Variants in PPP3CA observed in about 807,000 individuals in gnomAD.
PPP3CA encodes the protein protein phosphatase 3 catalytic subunit alpha, also known as CAM-PRP catalytic subunit.
In PPP3CA, 14 loss-of-function variants were observed where a neutral mutation model predicts 66.5. That is an observed-to-expected ratio of 0.21 (90% CI 0.14 to 0.33). The LOEUF (loss-of-function observed/expected upper bound fraction) is 0.33. Among genes scored for constraint, PPP3CA ranks in the 10% least tolerant of loss-of-function variants. The pLI, the probability that PPP3CA is intolerant of heterozygous loss-of-function variation, is 1.00. For missense variants in PPP3CA, 317 were observed against 639.5 expected (o/e 0.50, Z 5.44); for synonymous variants, 232 against 226.2 (o/e 1.03, Z -0.23).
intron 1 of PPP3CA, among the ~76,000 whole-genome samples, chr4:101,326,350 TCA>T (rs1162669355): frequency 6.6e-6 from 1 of 152,160 alleles, no homozygotes; most frequent in Non-Finnish European, 1.5e-5. Context: ...TTCACAGACT[TCA>T]GAACAGATTT....
chr4:101,258,189 G>A lies in PPP3CA; in HGVS notation c.59-62073C>T, dbSNP rs1726905312. ...ACAAAATTATCATAAACTTATTGAT[G>A]GTCAAAACTATAGAATACAGAAGTT... is the stretch of plus-strand genomic sequence containing the variant. On this transcript the variant is annotated intron_variant, in intron 1 of 13. Transcript: ENST00000394854. Among the ~76,000 whole-genome samples, 6 of 151,952 alleles carry A rather than the reference G, an allele frequency of 3.9e-5. No individual in the cohort carries two copies. The South Asian group carries it at 1.2e-3, about 32-fold the overall frequency.
At position 101,185,985 on chromosome 4, in the gene PPP3CA, C is replaced by T. The variant is rs1724397586; in HGVS notation, c.259+9931G>A. The stretch of plus-strand genomic sequence containing the variant: ...TAAAACAGAAGCTGAAATATTAGCT[C>T]CTATCTAAAAATGGTTTAAGTTTCT... On this transcript the variant is annotated intron_variant, in intron 2 of 13. Transcript: ENST00000394854. Among the ~76,000 whole-genome samples the T allele has an allele frequency of 2.0e-5, 3 of 152,082 alleles. No individual in the cohort carries two copies. The South Asian group carries it at 6.2e-4, about 32-fold the overall frequency.
chr4:101,180,729 G>A (rs1266521063), intron 2 of PPP3CA, among the ~76,000 whole-genome samples: 1 of 151,982 alleles, frequency 6.6e-6, no homozygotes, highest in Non-Finnish European at 1.5e-5. Flanking sequence ...TCATGATGAT[G>A]TTAGGGTAAT....
intron 1 of PPP3CA, among the ~76,000 whole-genome samples, chr4:101,295,016 C>G (rs1728153905): frequency 6.6e-6 from 1 of 152,118 alleles, no homozygotes; most frequent in African/African-American, 2.4e-5. Context: ...AGTATATTCA[C>G]TCGGGCCGGG....
At chr4:101,163,563 A>T (rs1385462118) in intron 2 of PPP3CA, among the ~76,000 whole-genome samples, 2 of 152,136 alleles carry the variant, frequency 1.3e-5, no homozygotes, top group African/African-American at 4.8e-5. Context: ...CCTTTCTTCC[A>T]GGCTTAAATA....
intron 1 of PPP3CA, among the ~76,000 whole-genome samples, chr4:101,312,830 A>G (rs1247460683): frequency 6.6e-6 from 1 of 152,218 alleles, no homozygotes. Context: ...TCTCCTAAGC[A>G]CTGCACCAGA....
chr4:101,146,622 T>C (rs927639802), intron 2 of PPP3CA, among the ~76,000 whole-genome samples: 1 of 151,914 alleles, frequency 6.6e-6, no homozygotes, highest in African/African-American at 2.4e-5. Context: ...TTTGTACTTT[T>C]AGTAGAGATG....
intron 11 of PPP3CA, among the ~76,000 whole-genome samples, chr4:101,034,679 T>C (rs1727162761): frequency 1.3e-5 from 2 of 152,252 alleles, no homozygotes; most frequent in African/African-American, 4.8e-5. Flanking sequence ...ATCCATATTT[T>C]AGATTTCTGT....
At position 101,025,845 on chromosome 4, in the gene PPP3CA, A is replaced by ATTT; in HGVS notation, c.*19_*20insAAA. Reference sequence around the variant, plus strand: ...CAAAAAAAAAAAAAAAAAAAAAAAAAAAAAGTGAACAGGAAGTGGTCACTG... The same window carrying ATTT: ...CAAAAAAAAAAAAAAAAAAAAAAAAATTTAAAAGTGAACAGGAAGTGGTCACTG... On this transcript the variant is annotated 3_prime_UTR_variant, in exon 14 of 14. Transcript: ENST00000394854. 1 of 1,428,950 alleles carries ATTT rather than the reference A, an allele frequency of 7.0e-7. No homozygotes were observed. Among genetic ancestry groups the ATTT allele is most frequent in the Non-Finnish European group, 9.3e-7 (1 of 1,076,192 alleles). 88.5% of individuals were successfully genotyped at this position (1,428,950 alleles called of 1,614,324 possible).
chr4:101,069,001 T>C (rs1024884204), intron 8 of PPP3CA, among the ~76,000 whole-genome samples: 1 of 152,172 alleles, frequency 6.6e-6, no homozygotes, highest in African/African-American at 2.4e-5. Context: ...ATAGGGTCTT[T>C]CACAGGCAAA....
chr4:101,289,968 T>C (rs938624313), intron 1 of PPP3CA, among the ~76,000 whole-genome samples: 2 of 151,524 alleles, frequency 1.3e-5, no homozygotes, highest in Non-Finnish European at 2.9e-5. Flanking sequence ...ATCATGCTGC[T>C]AGAATGGTGC....
intron 1 of PPP3CA, among the ~76,000 whole-genome samples, chr4:101,301,820 T>TTATATA (rs148313258): frequency 4.8e-5 from 7 of 146,738 alleles, no homozygotes; most frequent in Non-Finnish European, 6.0e-5. Flanking sequence ...GCACCATATT[T>TTATATA]TATATATATA....
chr4:101,093,371 C>T (rs1357153688), intron 6 of PPP3CA, among the ~76,000 whole-genome samples: 1 of 151,064 alleles, frequency 6.6e-6, no homozygotes, highest in African/African-American at 2.4e-5. Context: ...CATTGTTTAG[C>T]AATGAAGTAT....
chr4:101,325,845 C>T (rs1159776680), intron 1 of PPP3CA, among the ~76,000 whole-genome samples: 2 of 152,074 alleles, frequency 1.3e-5, no homozygotes, highest in Non-Finnish European at 2.9e-5. Context: ...TGTCTGGGAT[C>T]GGCTTTAAAA....
chr4:101,308,924 T>A (rs947496601), intron 1 of PPP3CA, among the ~76,000 whole-genome samples: 1 of 152,170 alleles, frequency 6.6e-6, no homozygotes, highest in Non-Finnish European at 1.5e-5. Flanking sequence ...TGGTCGGGCA[T>A]TGTGGCGCAT....
rs114223259 is a variant in PPP3CA, at chr4:101,070,231, T to A, written c.956-6874A>T. Among the ~76,000 whole-genome samples the A allele has an allele frequency of 7.2e-3, 1,100 of 152,238 alleles. 14 individuals carry two copies. Among genetic ancestry groups the A allele is most frequent in the African/African-American group, 0.025 (1,052 of 41,544 alleles). ...GGCATATGGTTGATGCTTAATTGTG[T>A]TGTTTGAAGAAAAAACCTAAGGAAT... On this transcript the variant is annotated intron_variant, in intron 8 of 13. Coordinates refer to ENST00000394854, the MANE Select transcript of PPP3CA (RefSeq NM_000944.5).
chr4:101,206,030 T>C (rs1472765188), intron 1 of PPP3CA, among the ~76,000 whole-genome samples: 2 of 152,228 alleles, frequency 1.3e-5, no homozygotes, highest in African/African-American at 2.4e-5. Context: ...GGGTAGGCTC[T>C]AGAGCAGGCT....
At chr4:101,285,047 CACACAA>C (rs1388329346) in intron 1 of PPP3CA, among the ~76,000 whole-genome samples, 1 of 151,766 alleles carries the variant, frequency 6.6e-6, no homozygotes, top group Non-Finnish European at 1.5e-5. Flanking sequence ...GCAAGAAAAC[CACACAA>C]ACACAAACCC....
intron 10 of PPP3CA, among the ~76,000 whole-genome samples, chr4:101,058,209 G>C (rs765211841): frequency 6.6e-6 from 1 of 152,044 alleles, no homozygotes; most frequent in Non-Finnish European, 1.5e-5. Context: ...AGACACATAG[G>C]ACTTTTAATA....
Sources: allele counts gnomAD v4.1 joint callset (sites outside exome capture counted in the v4.1 genomes callset), GRCh38; gene constraint gnomAD v4.1.1; transcripts MANE v1.5; gene names NCBI Gene and HGNC (gene_info 2026-07-23, HGNC 2026-07-21).